Variants in CDH18 observed in about 807,000 individuals in gnomAD.
CDH18 encodes cadherin 18.
Under a neutral mutation model 67.9 loss-of-function variants are expected in CDH18, and 31 were observed. The observed-to-expected ratio is 0.46, with a 90% CI of 0.34 to 0.62. The LOEUF (loss-of-function observed/expected upper bound fraction) is 0.62. CDH18 is among the 20% of genes least tolerant of loss of function. The pLI, the probability that CDH18 is intolerant of heterozygous loss-of-function variation, is 0.01. For missense variants in CDH18, 890 were observed against 975.5 expected (o/e 0.91, Z 1.17); for synonymous variants, 362 against 347.2 (o/e 1.04, Z -0.48).
rs1236197159 is a variant in CDH18, at chr5:20,371,049, A to T, written c.-579-115544T>A. Among the ~76,000 whole-genome samples, 4 of 152,010 alleles carry T rather than the reference A, an allele frequency of 2.6e-5. No individual in the cohort carries two copies. In the East Asian group the frequency reaches 7.8e-4, roughly 29 times the overall value. Reference sequence around the variant, plus strand: ...GAGACTCTGTCTCAAAAAAAAAAAGACTGTGGCATCAGTCCAGCCAATGTA... The same window carrying T: ...GAGACTCTGTCTCAAAAAAAAAAAGTCTGTGGCATCAGTCCAGCCAATGTA... On this transcript the variant is annotated intron_variant, in intron 1 of 14. Transcript: ENST00000507958.
intron 2 of CDH18, among the ~76,000 whole-genome samples, chr5:20,114,074 G>A (rs1035281956): frequency 1.2e-4 from 18 of 152,158 alleles, no homozygotes; most frequent in East Asian, 5.8e-4. Context: ...AGAAGCATTT[G>A]TGATGTATAT....
chr5:19,969,458 T>C (rs1324300538), intron 2 of CDH18, among the ~76,000 whole-genome samples: 1 of 150,160 alleles, frequency 6.7e-6, no homozygotes, highest in African/African-American at 2.5e-5. Flanking sequence ...TGTCCAACAA[T>C]GATAGACTGG....
At chr5:20,562,797 G>T (rs2471123) in intron 1 of CDH18, among the ~76,000 whole-genome samples, 41,559 of 151,696 alleles carry the variant, frequency 0.27, 7,151 homozygotes, top group African/African-American at 0.49. Flanking sequence ...GCATTTAATA[G>T]GAACAATTAG....
chr5:20,407,805 A>G (rs1746421648), intron 1 of CDH18, among the ~76,000 whole-genome samples: 1 of 152,036 alleles, frequency 6.6e-6, no homozygotes, highest in African/African-American at 2.4e-5. Flanking sequence ...TTAGAGTTCC[A>G]GAAGAAAAAG....
intron 2 of CDH18, among the ~76,000 whole-genome samples, chr5:19,905,418 T>C (rs1304132840): frequency 6.6e-6 from 1 of 151,812 alleles, no homozygotes; most frequent in East Asian, 1.9e-4. Flanking sequence ...TTTTTATTAA[T>C]ATTTTATTTA....
In CDH18 at chr5:20,332,575, A is replaced by G. The variant is rs140534835; in HGVS notation, c.-579-77070T>C. ...TTTTTGGACACTGTGACTTTAAGTGAAACAATGTATAATGAAACTCTATAC... is the reference window on the plus strand; with the variant it reads ...TTTTTGGACACTGTGACTTTAAGTGGAACAATGTATAATGAAACTCTATAC... On this transcript the variant is annotated intron_variant, in intron 1 of 14. Coordinates refer to the CDH18 transcript ENST00000507958. Among the ~76,000 whole-genome samples the G allele has an allele frequency of 7.4e-3, 1,122 of 152,330 alleles. 17 individuals are homozygous for G. The highest frequency in any genetic ancestry group is 0.026 in the African/African-American group (1,076 of 41,566).
chr5:20,159,595 G>T (rs991900527), intron 2 of CDH18, among the ~76,000 whole-genome samples: 2 of 151,418 alleles, frequency 1.3e-5, no homozygotes, highest in African/African-American at 4.9e-5. Context: ...GTCTTTTCTT[G>T]TTATTACCAA....
chr5:20,496,526 A>C (rs1214783255), intron 1 of CDH18, among the ~76,000 whole-genome samples: 1 of 152,186 alleles, frequency 6.6e-6, no homozygotes, highest in African/African-American at 2.4e-5. Flanking sequence ...CAATTGATAA[A>C]AAATTATGGT....
intron 5 of CDH18, among the ~76,000 whole-genome samples, chr5:19,712,169 T>A (rs79860501): frequency 0.016 from 2,417 of 152,076 alleles, 40 homozygotes; most frequent in African/African-American, 0.045. Context: ...TGGGCAGGAA[T>A]GAGGAACGGG....
At chr5:20,177,468 G>C (rs942954094) in intron 2 of CDH18, among the ~76,000 whole-genome samples, 1 of 152,040 alleles carries the variant, frequency 6.6e-6, no homozygotes, top group East Asian at 1.9e-4. Flanking sequence ...CAAACAACTC[G>C]CAATATTTAT....
At chr5:19,983,377 CAG>C (rs1799254175) in intron 1 of CDH18, among the ~76,000 whole-genome samples, 1 of 152,000 alleles carries the variant, frequency 6.6e-6, no homozygotes, top group Admixed American at 6.6e-5. Flanking sequence ...TAAAATGAAA[CAG>C]AAATGATAGT....
At chr5:19,851,890 T>C (rs1783748772) in intron 2 of CDH18, among the ~76,000 whole-genome samples, 1 of 151,914 alleles carries the variant, frequency 6.6e-6, no homozygotes, top group African/African-American at 2.4e-5. Context: ...TTTTAGTTCA[T>C]TAGCTGATAA....
intron 1 of CDH18, among the ~76,000 whole-genome samples, chr5:20,510,480 G>GTA (rs1224907591): frequency 2.0e-5 from 3 of 151,900 alleles, no homozygotes; most frequent in African/African-American, 7.3e-5. Flanking sequence ...ATTCCACTGT[G>GTA]TATATATAAC....
chr5:19,944,080 A>G (rs1366904208), intron 2 of CDH18, among the ~76,000 whole-genome samples: 2 of 152,104 alleles, frequency 1.3e-5, no homozygotes, highest in African/African-American at 4.8e-5. Flanking sequence ...GTCAGGATGA[A>G]TGTACCTCCT....
rs552828649 is a variant in CDH18 at position 19,508,122 on chromosome 5, G to T, written c.1513-5013C>A. 7.2e-4 allele frequency among the ~76,000 whole-genome samples: 108 copies of T among 149,702 alleles called. 1 individual carries two copies. The South Asian group carries it at 0.022, about 30-fold the overall frequency. ...CTTTGTCCAAAATGCTGTAATATTT[G>T]CTTGGTCTCTGCTCTGTATTGGCAT... is the stretch of plus-strand genomic sequence containing the variant. On this transcript the variant is annotated intron_variant, in intron 10 of 12. Transcript: ENST00000382275.
At chr5:20,388,028 CTTT>C (rs1304452910) in intron 1 of CDH18, among the ~76,000 whole-genome samples, 1 of 148,876 alleles carries the variant, frequency 6.7e-6, no homozygotes, top group Non-Finnish European at 1.5e-5. Flanking sequence ...CTAAAATTCT[CTTT>C]TTTTGTTGTG....
chr5:20,154,805 T>G (rs1307111897), intron 2 of CDH18, among the ~76,000 whole-genome samples: 1 of 152,200 alleles, frequency 6.6e-6, no homozygotes, highest in Non-Finnish European at 1.5e-5. Flanking sequence ...GCTCTTCAAG[T>G]CCTGCTACAA....
chr5:19,970,251 A>G (rs1208175458), intron 2 of CDH18, among the ~76,000 whole-genome samples: 1 of 151,422 alleles, frequency 6.6e-6, no homozygotes, highest in East Asian at 1.9e-4. Flanking sequence ...CATATTATAT[A>G]TAAATATCAC....
At chr5:20,061,060 A>G (rs2150508625) in intron 2 of CDH18, among the ~76,000 whole-genome samples, 1 of 152,136 alleles carries the variant, frequency 6.6e-6, no homozygotes, top group South Asian at 2.1e-4. Context: ...TCTGAGAAAT[A>G]TACTATATAT....
Sources: gnomAD v4.1 joint callset for allele counts (sites outside exome capture counted in the v4.1 genomes callset) on GRCh38, gnomAD v4.1.1 for gene constraint, MANE v1.5 for transcripts, NCBI Gene and HGNC (gene_info 2026-07-23, HGNC 2026-07-21) for gene names.